Variants in NRXN3 observed in about 807,000 individuals in gnomAD.
NRXN3 encodes the protein neurexin 3.
A neutral mutation model predicts 137.6 loss-of-function variants in NRXN3; 32 were observed. The ratio of observed to expected loss-of-function variants is 0.23; its 90% CI spans 0.18 to 0.31. The LOEUF (loss-of-function observed/expected upper bound fraction) is 0.31. Among genes scored for constraint, NRXN3 ranks in the 10% least tolerant of loss-of-function variants. The pLI, the probability that NRXN3 is intolerant of heterozygous loss-of-function variation, is 1.00. For synonymous variants in NRXN3, 798 were observed against 784.5 expected (o/e 1.02, Z -0.29); for missense variants, 1,574 against 2,062.5 (o/e 0.76, Z 4.59).
At chr14:78,315,741 G>A (rs1179603041) in intron 4 of NRXN3, among the ~76,000 whole-genome samples, 4 of 152,086 alleles carry the variant, frequency 2.6e-5, no homozygotes, top group Non-Finnish European at 4.4e-5. Flanking sequence ...TGTGATCACT[G>A]GGTAAAAATA....
rs566621341 is a variant in NRXN3 at position 78,193,485 on chromosome 14, G to A, written c.-704+22811G>A. ...GGTAAGGGCCTATGTCTTACAAACA[G>A]AATTGGCTCCTTTTACTAAGAAACT... On this transcript the variant is annotated intron_variant, in intron 1 of 20. Coordinates refer to ENST00000335750, the MANE Select transcript of NRXN3 (RefSeq NM_001330195.2). Among the ~76,000 whole-genome samples, 12 of 152,278 alleles carry A rather than the reference G, an allele frequency of 7.9e-5. No homozygotes were observed. In the East Asian group the frequency reaches 2.3e-3, roughly 29 times the overall value.
intron 15 of NRXN3, among the ~76,000 whole-genome samples, chr14:79,365,328 G>A (rs1213152267): frequency 6.6e-6 from 1 of 152,062 alleles, no homozygotes; most frequent in African/African-American, 2.4e-5. Context: ...GGATGCTGAT[G>A]TTTCATTTTT....
intron 15 of NRXN3, among the ~76,000 whole-genome samples, chr14:79,361,865 T>C (rs1043121431): frequency 2.0e-5 from 3 of 152,130 alleles, no homozygotes; most frequent in Non-Finnish European, 4.4e-5. Context: ...ATGGGAGGGC[T>C]AACAACTCTA....
intron 19 of NRXN3, among the ~76,000 whole-genome samples, chr14:79,733,277 C>T (rs2098930463): frequency 1.3e-5 from 2 of 152,084 alleles, no homozygotes. Context: ...TAAAATCTGC[C>T]TACCATTTAA....
intron 19 of NRXN3, among the ~76,000 whole-genome samples, chr14:79,725,868 T>G (rs534422776): frequency 2.8e-4 from 43 of 152,254 alleles, no homozygotes; most frequent in African/African-American, 1.0e-3. Context: ...TGCAGTTGTT[T>G]GCTAACATCT....
At chr14:79,610,901 C>T (rs1363281859) in intron 16 of NRXN3, among the ~76,000 whole-genome samples, 1 of 152,200 alleles carries the variant, frequency 6.6e-6, no homozygotes, top group Non-Finnish European at 1.5e-5. Context: ...AGATAGCTGT[C>T]AATGCCTGAA....
intron 10 of NRXN3, among the ~76,000 whole-genome samples, chr14:78,874,094 C>G (rs920188394): frequency 6.6e-6 from 1 of 151,732 alleles, no homozygotes; most frequent in Non-Finnish European, 1.5e-5. Flanking sequence ...GCCTCAGCCT[C>G]GTGAGTAGCT....
intron 16 of NRXN3, among the ~76,000 whole-genome samples, chr14:79,563,947 T>A (rs778125537): frequency 1.3e-5 from 2 of 152,014 alleles, no homozygotes; most frequent in Non-Finnish European, 2.9e-5. Context: ...GTCCAAGCAG[T>A]AGCCAGAAGA....
chr14:78,537,813 C>G (rs2096550778), intron 4 of NRXN3, among the ~76,000 whole-genome samples: 1 of 152,250 alleles, frequency 6.6e-6, no homozygotes, highest in East Asian at 1.9e-4. Context: ...GATCCAGTTT[C>G]AGCTTTCTAC....
intron 10 of NRXN3, among the ~76,000 whole-genome samples, chr14:78,920,343 A>G (rs952964567): frequency 6.6e-6 from 1 of 152,234 alleles, no homozygotes; most frequent in Admixed American, 6.5e-5. Context: ...AAAAGTGGGA[A>G]GTGAAATCTT....
At chr14:79,051,146 C>T (rs549812828) in intron 15 of NRXN3, among the ~76,000 whole-genome samples, 1 of 152,202 alleles carries the variant, frequency 6.6e-6, no homozygotes, top group Middle Eastern at 3.4e-3. Context: ...AAGGTTGGTT[C>T]TAGCAGCCAC....
chr14:78,563,535 T>C (rs1325387697), intron 4 of NRXN3, among the ~76,000 whole-genome samples: 1 of 152,204 alleles, frequency 6.6e-6, no homozygotes, highest in Non-Finnish European at 1.5e-5. Flanking sequence ...CAGTTATCAA[T>C]GGGCAGGGCT....
chr14:79,709,896 T>G (rs2098796481), intron 19 of NRXN3, among the ~76,000 whole-genome samples: 1 of 151,244 alleles, frequency 6.6e-6, no homozygotes, highest in Admixed American at 6.6e-5. Context: ...TACTACCCTA[T>G]CTATCTATCC....
At chr14:78,291,499 G>A (rs186696781) in intron 3 of NRXN3, among the ~76,000 whole-genome samples, 57 of 152,302 alleles carry the variant, frequency 3.7e-4, no homozygotes, top group Non-Finnish European at 6.5e-4. Context: ...TTTTGGGAGG[G>A]TTATCAAGCC....
chr14:79,588,594 T>A (rs2097779559), intron 16 of NRXN3, among the ~76,000 whole-genome samples: 1 of 152,226 alleles, frequency 6.6e-6, no homozygotes. Flanking sequence ...TAATAGAATT[T>A]TATTTGTGTC....
intron 8 of NRXN3, among the ~76,000 whole-genome samples, chr14:78,782,329 C>T (rs1378399224): frequency 1.3e-5 from 2 of 152,132 alleles, no homozygotes; most frequent in African/African-American, 2.4e-5. Flanking sequence ...GTGGTTTAAT[C>T]GAGCTCTCCC....
intron 15 of NRXN3, among the ~76,000 whole-genome samples, chr14:79,104,034 A>T (rs1479116141): frequency 1.3e-5 from 2 of 152,302 alleles, no homozygotes; most frequent in Admixed American, 1.3e-4. Flanking sequence ...CTGCACATGC[A>T]CAGATGTGCA....
chr14:78,645,351 T>C lies in NRXN3; in HGVS notation c.989T>C (p.Val330Ala). Residue 330 changes from valine to alanine, a missense_variant, in exon 5 of 21, where the codon GTG becomes GCG. Physicochemically the swap from Val to Ala is moderately conservative, Grantham distance 64 (BLOSUM62 0). This residue lies in a region of NRXN3 where 400 missense variants were observed against 527.3 expected (regional missense o/e 0.76). Transcript: ENST00000335750. Reference sequence around the variant, plus strand: ...GGGTCCGGGGCCTTTGAGGCCATTGTGGAGCCAGTGAATGGAAAATTCAAC... The same window carrying C: ...GGGTCCGGGGCCTTTGAGGCCATTGCGGAGCCAGTGAATGGAAAATTCAAC... ...NLGSGAFEAIVEPVNGKFNDN... is the reference protein window; with the variant it reads ...NLGSGAFEAIAEPVNGKFNDN... 3.1e-6 allele frequency: 5 copies of C among 1,598,344 alleles called. No individual in the cohort carries two copies. The highest frequency in any genetic ancestry group is 4.2e-6 in the Non-Finnish European group (5 of 1,179,300).
chr14:78,689,636 CAT>C (rs2098152757), intron 6 of NRXN3, among the ~76,000 whole-genome samples: 1 of 152,108 alleles, frequency 6.6e-6, no homozygotes, highest in South Asian at 2.1e-4. Flanking sequence ...CTATAATAAA[CAT>C]ATGTAGATAA....
Sources: gnomAD v4.1 joint callset for allele counts (sites outside exome capture counted in the v4.1 genomes callset) on GRCh38, gnomAD v4.1.1 for gene constraint, gnomAD v4.1.1 regional missense constraint, MANE v1.5 for transcripts, NCBI Gene and HGNC (gene_info 2026-07-23, HGNC 2026-07-21) for gene names.